RBMS3: variants seen among roughly 807,000 people sequenced by gnomAD.
RBMS3 encodes the protein RNA binding motif single stranded interacting protein 3, also known as RNA-binding motif, single-stranded-interacting protein 3.
Under a neutral mutation model 66.8 loss-of-function variants are expected in RBMS3, and 27 were observed. That is an observed-to-expected ratio of 0.40 (90% CI 0.30 to 0.56). The LOEUF is 0.56. Ranked by LOEUF, RBMS3 falls within the 20% of genes least tolerant of loss-of-function variation. The pLI is 0.40. For missense variants in RBMS3, 513 were observed against 549.5 expected (o/e 0.93, Z 0.66); for synonymous variants, 188 against 183.0 (o/e 1.03, Z -0.22).
At chr3:29,436,635 T>A (rs1236361986) in intron 2 of RBMS3, among the ~76,000 whole-genome samples, 1 of 152,216 alleles carries the variant, frequency 6.6e-6, no homozygotes, top group Non-Finnish European at 1.5e-5. Flanking sequence ...AAGGTTCAGG[T>A]GAAGTAAAAA....
At chr3:29,760,098 A>C (rs781626418) in intron 5 of RBMS3, among the ~76,000 whole-genome samples, 3 of 152,092 alleles carry the variant, frequency 2.0e-5, no homozygotes, top group Non-Finnish European at 2.9e-5. Context: ...GCTGTAAAAC[A>C]GTGTTAAGAA....
chr3:29,481,890 C>T (rs1336831237), intron 2 of RBMS3, among the ~76,000 whole-genome samples: 1 of 152,152 alleles, frequency 6.6e-6, no homozygotes, highest in Non-Finnish European at 1.5e-5. Context: ...TCAATTTTAA[C>T]ATGTCACACA....
intron 6 of RBMS3, among the ~76,000 whole-genome samples, chr3:29,835,710 T>A (rs1181257064): frequency 6.6e-6 from 1 of 151,732 alleles, no homozygotes; most frequent in Non-Finnish European, 1.5e-5. Context: ...AACTTTACAT[T>A]TCAATGAACT....
At chr3:29,843,205 T>C (rs1320186062) in intron 6 of RBMS3, among the ~76,000 whole-genome samples, 2 of 152,260 alleles carry the variant, frequency 1.3e-5, no homozygotes, top group African/African-American at 4.8e-5. Flanking sequence ...TTCTATTAAC[T>C]CAAGGTCTTT....
At chr3:29,608,922 AG>A (rs1305576384) in intron 4 of RBMS3, among the ~76,000 whole-genome samples, 1 of 151,886 alleles carries the variant, frequency 6.6e-6, no homozygotes, top group African/African-American at 2.4e-5. Flanking sequence ...GTTAATAGAA[AG>A]TGTGGTTTAT....
At chr3:29,670,332 C>A (rs1019125517) in intron 4 of RBMS3, among the ~76,000 whole-genome samples, 2 of 152,186 alleles carry the variant, frequency 1.3e-5, no homozygotes, top group Non-Finnish European at 2.9e-5. Flanking sequence ...TAGCTCCCAG[C>A]ATGAGCGACG....
chr3:29,630,034 G>T (rs1576397553), intron 4 of RBMS3, among the ~76,000 whole-genome samples: 1 of 151,926 alleles, frequency 6.6e-6, no homozygotes, highest in Non-Finnish European at 1.5e-5. Context: ...ATGTTTGTTT[G>T]TTTTTTTCCT....
At chr3:29,478,325 G>T (rs545773576) in intron 2 of RBMS3, among the ~76,000 whole-genome samples, 2 of 152,180 alleles carry the variant, frequency 1.3e-5, no homozygotes, top group Non-Finnish European at 1.5e-5. Context: ...GAAGGCAGCA[G>T]CTGGTTCATT....
At chr3:29,317,375 T>C (rs1024356323) in intron 1 of RBMS3, among the ~76,000 whole-genome samples, 3 of 151,778 alleles carry the variant, frequency 2.0e-5, no homozygotes, top group African/African-American at 7.3e-5. Context: ...TTTTGTTTGG[T>C]ATTTCTCTCT....
At chr3:29,417,030 A>G (rs9310896) in intron 1 of RBMS3, among the ~76,000 whole-genome samples, 65,619 of 151,658 alleles carry the variant, frequency 0.43, 14,412 homozygotes, top group African/African-American at 0.52. Flanking sequence ...CTGTCTCTAG[A>G]TAATTCTCCC....
intron 3 of RBMS3, among the ~76,000 whole-genome samples, chr3:29,529,682 A>T (rs1267209785): frequency 6.6e-6 from 1 of 152,174 alleles, no homozygotes; most frequent in East Asian, 1.9e-4. Flanking sequence ...AGCACTATAG[A>T]TGTGAGTGTT....
chr3:29,757,283 T>A (rs1679120993), intron 5 of RBMS3, among the ~76,000 whole-genome samples: 1 of 152,222 alleles, frequency 6.6e-6, no homozygotes. Context: ...ACTAAATATA[T>A]TTTTTATTAT....
intron 1 of RBMS3, among the ~76,000 whole-genome samples, chr3:29,413,285 G>A (rs970269605): frequency 1.3e-5 from 2 of 152,048 alleles, no homozygotes; most frequent in Admixed American, 6.6e-5. Context: ...CAGGAGAATC[G>A]CTTGAAACCA....
intron 1 of RBMS3, among the ~76,000 whole-genome samples, chr3:29,427,205 A>C (rs1308694032): frequency 6.6e-6 from 1 of 152,262 alleles, no homozygotes; most frequent in Admixed American, 6.5e-5. Flanking sequence ...TACAAAAGAC[A>C]TAATTGAAAC....
intron 7 of RBMS3, among the ~76,000 whole-genome samples, chr3:29,882,593 T>C (rs1249248914): frequency 6.6e-6 from 1 of 152,066 alleles, no homozygotes; most frequent in Non-Finnish European, 1.5e-5. Context: ...TTGTTCCTCA[T>C]ACCAATCTTC....
chr3:29,989,276 A>G (rs1328047096), intron 13 of RBMS3, among the ~76,000 whole-genome samples: 1 of 152,146 alleles, frequency 6.6e-6, no homozygotes, highest in Non-Finnish European at 1.5e-5. Context: ...CAGGGCCATA[A>G]ACTACATAGA....
At chr3:29,997,040 A>G (rs1356965645) in intron 14 of RBMS3, among the ~76,000 whole-genome samples, 1 of 151,780 alleles carries the variant, frequency 6.6e-6, no homozygotes, top group South Asian at 2.1e-4. Context: ...TAAAGAAAAA[A>G]AGAGAGAAGA....
chr3:29,684,399 G>A (rs533950146), intron 4 of RBMS3, among the ~76,000 whole-genome samples: 12 of 152,066 alleles, frequency 7.9e-5, no homozygotes, highest in Non-Finnish European at 1.6e-4. Context: ...GTTCTGGAAA[G>A]GTGTATTTCT....
At chr3:29,465,528 G>C (rs903569077) in intron 2 of RBMS3, among the ~76,000 whole-genome samples, 3 of 145,982 alleles carry the variant, frequency 2.1e-5, no homozygotes, top group Non-Finnish European at 4.5e-5. Flanking sequence ...CCAAACAGAT[G>C]GGAATGTGCC....
Sources: allele counts gnomAD v4.1 joint callset (sites outside exome capture counted in the v4.1 genomes callset), GRCh38; gene constraint gnomAD v4.1.1; transcripts MANE v1.5; gene names NCBI Gene and HGNC (gene_info 2026-07-23, HGNC 2026-07-21).